The following ARB2A variants were observed in gnomAD, a reference collection of about 807,000 sequenced individuals.
The protein encoded by ARB2A is cotranscriptional regulator ARB2A.
chr5:93,860,224 C>T, the ARB2A span, among the ~76,000 whole-genome samples: 61 of 152,216 alleles, frequency 4.0e-4, no homozygotes, highest in Non-Finnish European at 7.1e-4. Flanking sequence ...ACCCAGGAGG[C>T]GGAGCTTGCA....
the ARB2A span, among the ~76,000 whole-genome samples, chr5:93,829,779 T>C: frequency 6.6e-6 from 1 of 152,198 alleles, no homozygotes; most frequent in Non-Finnish European, 1.5e-5. Flanking sequence ...ATTTTAGGCT[T>C]TGATAATTTA....
At chr5:93,964,546 A>G in the ARB2A span, 7 of 1,513,636 alleles carry the variant, frequency 4.6e-6, no homozygotes, top group Non-Finnish European at 3.6e-6. Flanking sequence ...GAAATAACAC[A>G]TTAAGATCCA....
the ARB2A span, chr5:93,805,762 T>G: frequency 1.0e-6 from 1 of 985,102 alleles, no homozygotes; most frequent in Non-Finnish European, 1.2e-6. Flanking sequence ...TTGCTCATGG[T>G]CACTTGCATT....
chr5:93,701,920 C>T, the ARB2A span, among the ~76,000 whole-genome samples: 1 of 152,128 alleles, frequency 6.6e-6, no homozygotes, highest in East Asian at 1.9e-4. Context: ...TCCATCACAG[C>T]TTACACATCT....
At chr5:93,954,572 T>C in the ARB2A span, among the ~76,000 whole-genome samples, 1 of 151,954 alleles carries the variant, frequency 6.6e-6, no homozygotes, top group Non-Finnish European at 1.5e-5. Context: ...TCTCTTGGGC[T>C]GCGAGCTGTG....
the ARB2A span, among the ~76,000 whole-genome samples, chr5:94,039,157 T>G: frequency 6.6e-5 from 10 of 152,204 alleles, no homozygotes; most frequent in African/African-American, 2.4e-4. Flanking sequence ...ATTTTCTAAA[T>G]CATAATGATA....
chr5:93,862,348 T>C, the ARB2A span: 1 of 152,214 alleles, frequency 6.6e-6, no homozygotes, highest in South Asian at 2.1e-4. Flanking sequence ...CTGTGCAATA[T>C]ACTACAATCT....
chr5:93,818,304 ATGT>A, the ARB2A span, among the ~76,000 whole-genome samples: 7 of 152,268 alleles, frequency 4.6e-5, no homozygotes, highest in East Asian at 5.8e-4. Context: ...GGTGATAAAA[ATGT>A]TGTAAAATTA....
chr5:93,622,231 C>CT, the ARB2A span, among the ~76,000 whole-genome samples: 2 of 152,076 alleles, frequency 1.3e-5, no homozygotes, highest in Admixed American at 6.6e-5. Flanking sequence ...GAGTGAATAG[C>CT]TTTTAAACAG....
the ARB2A span, among the ~76,000 whole-genome samples, chr5:93,906,413 C>T: frequency 2.0e-5 from 3 of 151,184 alleles, no homozygotes; most frequent in African/African-American, 7.3e-5. Flanking sequence ...ACATCTTGGG[C>T]AAATCCCTTA....
At chr5:93,718,055 G>A in the ARB2A span, among the ~76,000 whole-genome samples, 2 of 151,678 alleles carry the variant, frequency 1.3e-5, no homozygotes, top group South Asian at 2.1e-4. Flanking sequence ...GGCTGGTCTC[G>A]AACTCCTGAC....
the ARB2A span, among the ~76,000 whole-genome samples, chr5:94,099,410 G>A: frequency 3.9e-5 from 6 of 151,910 alleles, no homozygotes; most frequent in East Asian, 9.7e-4. Context: ...GGATCACGAG[G>A]TCAGGAGATC....
the ARB2A span, among the ~76,000 whole-genome samples, chr5:93,672,537 T>C: frequency 6.6e-6 from 1 of 152,068 alleles, no homozygotes; most frequent in South Asian, 2.1e-4. Context: ...CTCAATCTCC[T>C]GACCTTGTGA....
At chr5:93,632,160 C>A in the ARB2A span, among the ~76,000 whole-genome samples, 2 of 152,048 alleles carry the variant, frequency 1.3e-5, no homozygotes, top group African/African-American at 2.4e-5. Context: ...AATGAACGTG[C>A]AAACTTCAGA....
At chr5:93,763,361 G>C in the ARB2A span, among the ~76,000 whole-genome samples, 4 of 152,168 alleles carry the variant, frequency 2.6e-5, no homozygotes, top group Non-Finnish European at 2.9e-5. Flanking sequence ...GATCTACCAA[G>C]CAAATGGAAA....
the ARB2A span, among the ~76,000 whole-genome samples, chr5:93,837,688 T>C: frequency 6.6e-6 from 1 of 152,170 alleles, no homozygotes; most frequent in Non-Finnish European, 1.5e-5. Context: ...TTTTGACTTT[T>C]TAATAAAGGC....
chr5:93,820,834 AAC>A, the ARB2A span, among the ~76,000 whole-genome samples: 6 of 152,168 alleles, frequency 3.9e-5, no homozygotes, highest in African/African-American at 1.4e-4. Context: ...TTTTACTAGG[AAC>A]ACAGAGAGTT....
At chr5:93,964,954 C>T in the ARB2A span, among the ~76,000 whole-genome samples, 13 of 152,016 alleles carry the variant, frequency 8.6e-5, no homozygotes, top group Non-Finnish European at 1.6e-4. Flanking sequence ...CAGAGGTATT[C>T]TAAACAGAAA....
chr5:93,970,263 G>A, the ARB2A span, among the ~76,000 whole-genome samples: 1 of 152,010 alleles, frequency 6.6e-6, no homozygotes, highest in South Asian at 2.1e-4. Flanking sequence ...TAGATGACAC[G>A]TAAATGCTAA....
Sources: allele counts gnomAD v4.1 joint callset (sites outside exome capture counted in the v4.1 genomes callset), GRCh38; gene constraint gnomAD v4.1.1; transcripts MANE v1.5; gene names NCBI Gene and HGNC (gene_info 2026-07-23, HGNC 2026-07-21).